Variants in PTPRD observed in about 807,000 individuals in gnomAD.
PTPRD encodes the protein protein tyrosine phosphatase receptor type D, also known as receptor-type tyrosine-protein phosphatase delta.
Under a neutral mutation model 214.5 loss-of-function variants are expected in PTPRD, and 34 were observed. The observed-to-expected ratio is 0.16, with a 90% CI of 0.12 to 0.21. PTPRD has a LOEUF of 0.21. Among genes scored for constraint, PTPRD ranks in the 10% least tolerant of loss-of-function variants. The pLI is 1.00. For synonymous variants in PTPRD, 1,128 were observed against 845.7 expected (o/e 1.33, Z -5.79); for missense variants, 2,545 against 2,398.7 (o/e 1.06, Z -1.27).
rs554632771 is a variant in PTPRD at position 10,039,748 on chromosome 9, C to A, written c.-544-5958G>T. On this transcript the variant is annotated intron_variant, in intron 3 of 45. Transcript: ENST00000381196. ...TTTTTTTTATTATTCTGCTTTAACC[C>A]CTTCTGATTGAGATATATTTATCAA... Among the ~76,000 whole-genome samples the A allele has an allele frequency of 2.6e-5, 4 of 151,806 alleles. No homozygotes were observed. In the East Asian group the frequency reaches 7.8e-4, roughly 29 times the overall value.
intron 8 of PTPRD, among the ~76,000 whole-genome samples, chr9:9,483,366 T>C (rs1025459745): frequency 6.6e-6 from 1 of 152,186 alleles, no homozygotes; most frequent in Non-Finnish European, 1.5e-5. Context: ...TGCGTGAAGA[T>C]TGACATGTGG....
chr9:9,512,676 G>C (rs1000802266), intron 8 of PTPRD, among the ~76,000 whole-genome samples: 37 of 151,524 alleles, frequency 2.4e-4, no homozygotes, highest in Admixed American at 1.6e-3. Context: ...TAAATATTAG[G>C]AGATACATGA....
At chr9:10,581,770 G>A (rs538124020) in intron 2 of PTPRD, among the ~76,000 whole-genome samples, 4 of 151,962 alleles carry the variant, frequency 2.6e-5, no homozygotes, top group Non-Finnish European at 5.9e-5. Flanking sequence ...GGAATATAAG[G>A]GTATTAAATA....
intron 8 of PTPRD, among the ~76,000 whole-genome samples, chr9:9,486,303 G>T (rs1002821947): frequency 6.7e-6 from 1 of 150,178 alleles, no homozygotes; most frequent in African/African-American, 2.4e-5. Context: ...AGGATGGATT[G>T]TTAGGCTGCT....
intron 14 of PTPRD, among the ~76,000 whole-genome samples, chr9:8,593,339 C>G (rs2094253156): frequency 6.6e-6 from 1 of 152,162 alleles, no homozygotes. Flanking sequence ...CTGGACCATT[C>G]AGTTTTAATG....
At chr9:9,631,642 T>C (rs935999544) in intron 7 of PTPRD, among the ~76,000 whole-genome samples, 2 of 152,118 alleles carry the variant, frequency 1.3e-5, no homozygotes, top group African/African-American at 4.8e-5. Flanking sequence ...ACAAGCAATG[T>C]CAGGTAACAT....
intron 3 of PTPRD, among the ~76,000 whole-genome samples, chr9:10,093,206 A>T (rs754613049): frequency 2.0e-5 from 3 of 151,554 alleles, no homozygotes; most frequent in Non-Finnish European, 3.0e-5. Context: ...ATGCATCAAG[A>T]AAAGTCTAAA....
chr9:8,416,068 A>G (rs3896024), intron 35 of PTPRD, among the ~76,000 whole-genome samples: 75,363 of 151,776 alleles, frequency 0.5, 19,186 homozygotes, highest in East Asian at 0.72. Flanking sequence ...AGAAAGCCTT[A>G]AAAGTGAAAA....
At chr9:8,697,237 G>T (rs922686289) in intron 12 of PTPRD, among the ~76,000 whole-genome samples, 1 of 151,910 alleles carries the variant, frequency 6.6e-6, no homozygotes, top group Non-Finnish European at 1.5e-5. Flanking sequence ...GGAGAAAAGG[G>T]CTTTTACATT....
At chr9:10,266,368 G>A (rs746536394) in intron 3 of PTPRD, among the ~76,000 whole-genome samples, 5 of 152,140 alleles carry the variant, frequency 3.3e-5, no homozygotes, top group Non-Finnish European at 5.9e-5. Context: ...TATGCCAGAT[G>A]TAAATGTAGT....
At chr9:9,345,498 T>C (rs1190619472) in intron 9 of PTPRD, among the ~76,000 whole-genome samples, 1 of 149,860 alleles carries the variant, frequency 6.7e-6, no homozygotes, top group African/African-American at 2.4e-5. Context: ...TTACTCTAAA[T>C]AAAATATTTT....
intron 33 of PTPRD, among the ~76,000 whole-genome samples, chr9:8,457,011 C>G (rs2096232277): frequency 6.6e-6 from 1 of 152,134 alleles, no homozygotes; most frequent in Admixed American, 6.5e-5. Context: ...ACATATGTAA[C>G]AGATATACAG....
rs752677458 is a variant in PTPRD at position 8,697,417 on chromosome 9, C to CTTTTTT, written c.64+36357_64+36362dup. Reference sequence around the variant, plus strand: ...TTTATTATTTATTTATTTTTATGTACTTTTTTTTTTTTTTTTTTTTTTTGA... The same window carrying CTTTTTT: ...TTTATTATTTATTTATTTTTATGTACTTTTTTTTTTTTTTTTTTTTTTTTTTTTTGA... On this transcript the variant is annotated intron_variant, in intron 12 of 45. Transcript: ENST00000381196. Among the ~76,000 whole-genome samples, 24 of 63,242 alleles carry CTTTTTT rather than the reference C, an allele frequency of 3.8e-4. 1 individual carries two copies. Among genetic ancestry groups the CTTTTTT allele is most frequent in the Non-Finnish European group, 6.3e-4 (21 of 33,542 alleles). The allele number at this position is 63,242 out of a possible 152,430, so 41.5% of individuals were successfully genotyped here.
chr9:10,132,594 T>C (rs955935060), intron 3 of PTPRD, among the ~76,000 whole-genome samples: 1 of 152,182 alleles, frequency 6.6e-6, no homozygotes. Flanking sequence ...TGACTTAGCA[T>C]GTCCACCATA....
At chr9:10,268,544 A>T (rs1181626758) in intron 3 of PTPRD, among the ~76,000 whole-genome samples, 1 of 152,088 alleles carries the variant, frequency 6.6e-6, no homozygotes, top group Admixed American at 6.6e-5. Flanking sequence ...GATCCTTCTG[A>T]CACTCTTCCT....
At chr9:8,656,929 A>G (rs985060999) in intron 12 of PTPRD, among the ~76,000 whole-genome samples, 4 of 152,206 alleles carry the variant, frequency 2.6e-5, no homozygotes, top group Non-Finnish European at 4.4e-5. Flanking sequence ...ATAGCTTTAC[A>G]TCACAGAAAT....
At position 8,889,829 on chromosome 9, in the gene PTPRD, A is replaced by G. The variant is rs1246439299; in HGVS notation, c.-104+128868T>C. Among the ~76,000 whole-genome samples the G allele has an allele frequency of 3.3e-5, 5 of 152,174 alleles. No homozygotes were observed. In the East Asian group the frequency reaches 5.8e-4, roughly 18 times the overall value. On this transcript the variant is annotated intron_variant, in intron 11 of 45. Transcript: ENST00000381196. ...GGCTGAGTAGTATTCCATGGTGTAT[A>G]TATACCACATTTTCTTTATCCACTT...
At chr9:9,275,165 CATATATATAAT>C (rs1283665141) in intron 9 of PTPRD, among the ~76,000 whole-genome samples, 64 of 37,484 alleles carry the variant, frequency 1.7e-3, no homozygotes, top group African/African-American at 8.3e-3. Context: ...ATATATATAA[CATATATATAAT>C]ATATATGTTA....
At chr9:8,695,870 G>A (rs531976831) in intron 12 of PTPRD, among the ~76,000 whole-genome samples, 3 of 152,278 alleles carry the variant, frequency 2.0e-5, no homozygotes, top group South Asian at 4.1e-4. Context: ...GTAAATGTGA[G>A]AGTGGTACAC....
Sources: allele counts gnomAD v4.1 joint callset (sites outside exome capture counted in the v4.1 genomes callset), GRCh38; gene constraint gnomAD v4.1.1; transcripts MANE v1.5; gene names NCBI Gene and HGNC (gene_info 2026-07-23, HGNC 2026-07-21).